MAGI1: variants seen among roughly 807,000 people sequenced by gnomAD.
MAGI1 encodes the protein membrane associated guanylate kinase, WW and PDZ domain containing 1.
A neutral mutation model predicts 139.9 loss-of-function variants in MAGI1; 58 were observed. The observed-to-expected ratio is 0.41, with a 90% CI of 0.34 to 0.52. MAGI1 has a LOEUF of 0.52. Among genes scored for constraint, MAGI1 ranks in the 20% least tolerant of loss-of-function variants. MAGI1 has a pLI of 0.12. For missense variants in MAGI1, 1,874 were observed against 1,901.6 expected, an observed-to-expected ratio of 0.99 and a Z score of 0.27; for synonymous variants, 812 against 737.9, an observed-to-expected ratio of 1.10 and a Z score of -1.63.
At chr3:65,693,787 G>A (rs1019509112) in intron 1 of MAGI1, among the ~76,000 whole-genome samples, 14 of 151,846 alleles carry the variant, frequency 9.2e-5, no homozygotes, top group African/African-American at 2.9e-4. Flanking sequence ...GCAGTGGCAC[G>A]ATCTTGACTC....
At chr3:65,784,755 T>C (rs571366236) in intron 1 of MAGI1, among the ~76,000 whole-genome samples, 94 of 151,968 alleles carry the variant, frequency 6.2e-4, no homozygotes, top group Non-Finnish European at 1.1e-3. Context: ...AAATGTGGTA[T>C]AGTCAAACCA....
chr3:65,925,103 T>G (rs1261559478), intron 1 of MAGI1: 1 of 152,192 alleles, frequency 6.6e-6, no homozygotes, highest in Non-Finnish European at 1.5e-5. Context: ...ATGACGACTG[T>G]GTCTCTGCCT....
intron 1 of MAGI1, among the ~76,000 whole-genome samples, chr3:65,788,732 T>A (rs1577122140): frequency 6.6e-6 from 1 of 152,180 alleles, no homozygotes; most frequent in Non-Finnish European, 1.5e-5. Context: ...TTCAGAGAAA[T>A]GAGGCAGCCT....
At chr3:66,023,604 G>C (rs1173633583) in intron 1 of MAGI1, among the ~76,000 whole-genome samples, 1 of 152,178 alleles carries the variant, frequency 6.6e-6, no homozygotes, top group Non-Finnish European at 1.5e-5. Context: ...GGTCTTAGAG[G>C]TTAATCATGT....
At chr3:66,037,973 C>T (rs757134298) in intron 1 of MAGI1, 23 bp downstream of exon 1, 3 of 1,528,990 alleles carry the variant, frequency 2.0e-6, no homozygotes, top group East Asian at 2.3e-5. Flanking sequence ...CGGGGCGCCC[C>T]CCAAAGGCGC....
intron 1 of MAGI1, among the ~76,000 whole-genome samples, chr3:65,884,177 C>T (rs1226346333): frequency 2.0e-5 from 3 of 152,166 alleles, no homozygotes; most frequent in Non-Finnish European, 4.4e-5. Context: ...CCTGAATTCA[C>T]AATGTAACAG....
chr3:65,400,750 A>AT lies in MAGI1; in HGVS notation c.2199+688dup, dbSNP rs767598706. Among the ~76,000 whole-genome samples the AT allele has an allele frequency of 3.4e-3, 209 of 60,596 alleles. 26 individuals carry two copies. Among genetic ancestry groups the AT allele is most frequent in the African/African-American group, 6.8e-3 (102 of 14,904 alleles). The allele number at this position is 60,596 out of a possible 152,430, so 39.8% of individuals were successfully genotyped here. ...GATTGGAAAGGACAGCAAAACATTGATTTTTTTTTTTTTTTTTTTTTTTTT... is the reference window on the plus strand; with the variant it reads ...GATTGGAAAGGACAGCAAAACATTGATTTTTTTTTTTTTTTTTTTTTTTTTT... On this transcript the variant is annotated intron_variant, in intron 13 of 22. Coordinates refer to ENST00000402939, the MANE Select transcript of MAGI1 (RefSeq NM_001033057.2).
intron 5 of MAGI1, among the ~76,000 whole-genome samples, 153 bp from the exon 6 acceptor site, chr3:65,453,493 G>C (rs777901304): frequency 6.6e-6 from 1 of 151,982 alleles, no homozygotes; most frequent in Non-Finnish European, 1.5e-5. Flanking sequence ...GAGAGCCTGA[G>C]TTTACAATTA....
chr3:65,950,834 T>C (rs536168852), intron 1 of MAGI1, among the ~76,000 whole-genome samples: 10 of 152,110 alleles, frequency 6.6e-5, no homozygotes, highest in Non-Finnish European at 1.3e-4. Context: ...CAGGGACAGA[T>C]AGAGTGCAGG....
intron 2 of MAGI1, among the ~76,000 whole-genome samples, chr3:65,547,478 T>C (rs1259654115): frequency 6.6e-6 from 1 of 152,196 alleles, no homozygotes; most frequent in African/African-American, 2.4e-5. Context: ...TGGGATCCAT[T>C]ATTCAACCCA....
intron 12 of MAGI1, among the ~76,000 whole-genome samples, chr3:65,422,270 C>G (rs1235205568): frequency 6.6e-6 from 1 of 152,190 alleles, no homozygotes; most frequent in Non-Finnish European, 1.5e-5. Flanking sequence ...TGACAAGATG[C>G]TGGAGAACAG....
At chr3:65,607,258 G>T (rs907061299) in intron 2 of MAGI1, among the ~76,000 whole-genome samples, 2 of 151,626 alleles carry the variant, frequency 1.3e-5, no homozygotes, top group Admixed American at 6.6e-5. Flanking sequence ...CTCTTGCAGA[G>T]AAGAAAATTC....
At chr3:65,726,956 CA>C (rs539578446) in intron 1 of MAGI1, among the ~76,000 whole-genome samples, 8,807 of 102,152 alleles carry the variant, frequency 0.086, 686 homozygotes, top group African/African-American at 0.24. Context: ...CTCCAAAATC[CA>C]AAAAAAAAAA....
intron 2 of MAGI1, among the ~76,000 whole-genome samples, chr3:65,527,684 C>T (rs2078450941): frequency 6.6e-6 from 1 of 152,076 alleles, no homozygotes; most frequent in African/African-American, 2.4e-5. Context: ...GAGATTGGGC[C>T]ACTGTACTCC....
At chr3:65,627,570 C>T (rs568892800) in intron 1 of MAGI1, among the ~76,000 whole-genome samples, 12 of 119,498 alleles carry the variant, frequency 1.0e-4, no homozygotes, top group Admixed American at 4.4e-4. Context: ...TTCAGTGACG[C>T]GATCTTGGCT....
chr3:65,732,336 G>A (rs991303055), intron 1 of MAGI1, among the ~76,000 whole-genome samples: 24 of 152,208 alleles, frequency 1.6e-4, no homozygotes, highest in Non-Finnish European at 2.4e-4. Context: ...CTTCTCATTA[G>A]ACTGATCCTT....
chr3:65,435,906 C>T (rs1947812650), intron 10 of MAGI1, among the ~76,000 whole-genome samples: 1 of 152,018 alleles, frequency 6.6e-6, no homozygotes, highest in Non-Finnish European at 1.5e-5. Flanking sequence ...GTTAAAAGAA[C>T]TGAAAGGAGG....
chr3:65,997,029 G>A (rs1412519859), intron 1 of MAGI1, among the ~76,000 whole-genome samples: 3 of 152,190 alleles, frequency 2.0e-5, no homozygotes, highest in Non-Finnish European at 4.4e-5. Context: ...CTTAGCAGAG[G>A]CAGAAATTTA....
At chr3:65,406,552 G>A (rs535796388) in intron 12 of MAGI1, among the ~76,000 whole-genome samples, 1 of 152,118 alleles carries the variant, frequency 6.6e-6, no homozygotes, top group South Asian at 2.1e-4. Context: ...CTGCATTTGG[G>A]TCTCCCGACT....
Sources: gnomAD v4.1 joint callset for allele counts (sites outside exome capture counted in the v4.1 genomes callset) on GRCh38, gnomAD v4.1.1 for gene constraint, MANE v1.5 for transcripts, NCBI Gene and HGNC (gene_info 2026-07-23, HGNC 2026-07-21) for gene names.